Variants in SNTG1 observed in about 807,000 individuals in gnomAD.
SNTG1 encodes syntrophin gamma 1, also known as gamma-1-syntrophin.
In SNTG1, 39 loss-of-function variants were observed where a neutral mutation model predicts 74.7. That is an observed-to-expected ratio of 0.52 (90% CI 0.40 to 0.68). The LOEUF (loss-of-function observed/expected upper bound fraction) is 0.68. Among genes scored for constraint, SNTG1 ranks in the 30% least tolerant of loss-of-function variants. SNTG1 has a pLI of 0.00. For synonymous variants in SNTG1, 254 were observed against 217.1 expected, an observed-to-expected ratio of 1.17 and a Z score of -1.49; for missense variants, 685 against 609.5, an observed-to-expected ratio of 1.12 and a Z score of -1.30.
At chr8:50,378,022 C>T (rs1044240097) in intron 2 of SNTG1, among the ~76,000 whole-genome samples, 2 of 152,234 alleles carry the variant, frequency 1.3e-5, no homozygotes, top group Non-Finnish European at 2.9e-5. Context: ...GTCCACTGGG[C>T]TCGTTCCGCC....
intron 1 of SNTG1, among the ~76,000 whole-genome samples, chr8:50,150,002 G>T (rs557061395): frequency 1.3e-5 from 2 of 152,052 alleles, no homozygotes; most frequent in Non-Finnish European, 2.9e-5. Flanking sequence ...CCATTTTCAC[G>T]ATATTGATTT....
chr8:50,480,897 T>C (rs955727157), intron 8 of SNTG1, among the ~76,000 whole-genome samples: 2 of 152,170 alleles, frequency 1.3e-5, no homozygotes, highest in Non-Finnish European at 1.5e-5. Flanking sequence ...GTAGCTCAAA[T>C]AGAAGACTCA....
At chr8:50,469,352 G>A (rs2093633548) in intron 8 of SNTG1, among the ~76,000 whole-genome samples, 1 of 152,044 alleles carries the variant, frequency 6.6e-6, no homozygotes, top group Non-Finnish European at 1.5e-5. Flanking sequence ...GTAGTCTCAG[G>A]ACTGCACTCC....
chr8:50,764,240 A>G (rs1376303015), intron 18 of SNTG1, among the ~76,000 whole-genome samples: 1 of 151,938 alleles, frequency 6.6e-6, no homozygotes. Flanking sequence ...AGCTCAGGCA[A>G]CAATAGCAAC....
chr8:50,218,958 C>A (rs560778954), intron 2 of SNTG1, among the ~76,000 whole-genome samples: 1 of 151,936 alleles, frequency 6.6e-6, no homozygotes, highest in South Asian at 2.1e-4. Context: ...ATGGGCTTCA[C>A]GAGGAAAAGA....
chr8:50,528,484 G>T (rs956150823), intron 9 of SNTG1, among the ~76,000 whole-genome samples: 1 of 151,784 alleles, frequency 6.6e-6, no homozygotes, highest in East Asian at 1.9e-4. Context: ...AACCAAGCTT[G>T]CATTTCTAGA....
chr8:50,288,414 T>C (rs1011894989), intron 2 of SNTG1, among the ~76,000 whole-genome samples: 1 of 152,222 alleles, frequency 6.6e-6, no homozygotes, highest in Admixed American at 6.5e-5. Flanking sequence ...GAATGTGTAA[T>C]GTAATGTAAA....
intron 13 of SNTG1, among the ~76,000 whole-genome samples, chr8:50,596,357 G>A (rs1335916030): frequency 6.6e-6 from 1 of 151,860 alleles, no homozygotes; most frequent in African/African-American, 2.4e-5. Flanking sequence ...ATTGTATTTA[G>A]TAAATATCTG....
intron 15 of SNTG1, among the ~76,000 whole-genome samples, chr8:50,670,594 T>C (rs188028779): frequency 0.026 from 3,765 of 143,918 alleles, 132 homozygotes; most frequent in Middle Eastern, 0.043. Flanking sequence ...GAAGAATCAA[T>C]ATCATGAAAA....
At chr8:50,244,604 T>C (rs1448245225) in intron 2 of SNTG1, among the ~76,000 whole-genome samples, 1 of 152,210 alleles carries the variant, frequency 6.6e-6, no homozygotes, top group Non-Finnish European at 1.5e-5. Context: ...AGGAGGACTC[T>C]GGTTACTTTA....
At chr8:49,957,043 T>C (rs1318297972) in intron 1 of SNTG1, among the ~76,000 whole-genome samples, 1 of 152,148 alleles carries the variant, frequency 6.6e-6, no homozygotes, top group Non-Finnish European at 1.5e-5. Context: ...GTATGAAATT[T>C]TAGTTACAAG....
intron 6 of SNTG1, 67 bp downstream of exon 6, chr8:50,449,792 T>C: frequency 4.6e-6 from 6 of 1,313,592 alleles, no homozygotes; most frequent in South Asian, 3.4e-5. Flanking sequence ...TGTGAGATGA[T>C]ATTCAAGAAT....
chr8:50,101,182 T>C (rs1433801517), intron 1 of SNTG1, among the ~76,000 whole-genome samples: 3 of 152,072 alleles, frequency 2.0e-5, no homozygotes, highest in Non-Finnish European at 4.4e-5. Context: ...AATCCATCAT[T>C]GGTGGGCATC....
intron 13 of SNTG1, among the ~76,000 whole-genome samples, chr8:50,653,918 T>C (rs717510): frequency 0.87 from 131,876 of 152,174 alleles, 57,364 homozygotes; most frequent in African/African-American, 0.92. Context: ...AGAGTAAATG[T>C]GGAAACATAT....
At chr8:50,784,407 A>G (rs892979524) in intron 18 of SNTG1, among the ~76,000 whole-genome samples, 5 of 152,176 alleles carry the variant, frequency 3.3e-5, no homozygotes, top group Admixed American at 2.0e-4. Flanking sequence ...TAATTTTACA[A>G]AAAAGGCTTT....
Position 50,105,590 on chromosome 8 carries a change from T to C in SNTG1, c.-102-66971T>C, listed in dbSNP as rs2080340081. On this transcript the variant is annotated intron_variant, in intron 1 of 18. Coordinates refer to ENST00000642720, the MANE Select transcript of SNTG1 (RefSeq NM_018967.5). ...GTGAAGAAAGTTATTGGAATTTTAG[T>C]AGGAATAGTATTTAATCTGTAAATT... 2.6e-5 allele frequency among the ~76,000 whole-genome samples: 4 copies of C among 152,120 alleles called. No homozygotes were observed. The South Asian group carries it at 8.3e-4, about 31-fold the overall frequency.
chr8:50,780,636 G>A (rs1201438307), intron 18 of SNTG1, among the ~76,000 whole-genome samples: 1 of 151,912 alleles, frequency 6.6e-6, no homozygotes, highest in African/African-American at 2.4e-5. Context: ...CAACTTTGTT[G>A]ATCTTTTCAA....
intron 15 of SNTG1, among the ~76,000 whole-genome samples, chr8:50,681,057 G>A (rs1392426306): frequency 6.6e-6 from 1 of 152,066 alleles, no homozygotes; most frequent in Non-Finnish European, 1.5e-5. Context: ...CTCAACAAAA[G>A]ATTAAATGCC....
intron 2 of SNTG1, among the ~76,000 whole-genome samples, chr8:50,211,935 G>C (rs1027676467): frequency 6.6e-6 from 1 of 152,022 alleles, no homozygotes; most frequent in African/African-American, 2.4e-5. Context: ...ATTTTCTAAA[G>C]GAGAAATAGA....
Sources: allele counts gnomAD v4.1 joint callset (sites outside exome capture counted in the v4.1 genomes callset), GRCh38; gene constraint gnomAD v4.1.1; transcripts MANE v1.5; gene names NCBI Gene and HGNC (gene_info 2026-07-23, HGNC 2026-07-21).